The following CDC14B variants were observed in gnomAD, a reference collection of about 807,000 sequenced individuals.
CDC14B encodes dual specificity protein phosphatase CDC14B.
Under a neutral mutation model 64.2 loss-of-function variants are expected in CDC14B, and 22 were observed. That is an observed-to-expected ratio of 0.34 (90% CI 0.24 to 0.49). The LOEUF (loss-of-function observed/expected upper bound fraction) is 0.49, where lower values mean the gene tolerates loss of function less well. CDC14B is among the 20% of genes least tolerant of loss of function. The probability of loss-of-function intolerance (pLI) is 0.99; values close to 1 mark genes in which losing one functional copy is unlikely to be tolerated. For missense variants in CDC14B, 498 were observed against 629.9 expected (o/e 0.79, Z 2.24); for synonymous variants, 191 against 215.8 (o/e 0.89, Z 1.01).
chr9:96,599,212 T>G (rs1846272844), intron 1 of CDC14B, among the ~76,000 whole-genome samples: 1 of 152,062 alleles, frequency 6.6e-6, no homozygotes, highest in African/African-American at 2.4e-5. Flanking sequence ...AAACCCCATC[T>G]CTATTAAAAA....
chr9:96,521,337 C>T (rs1836685055), intron 12 of CDC14B, among the ~76,000 whole-genome samples: 2 of 152,138 alleles, frequency 1.3e-5, no homozygotes, highest in African/African-American at 4.8e-5. Flanking sequence ...CCTTGGCCTC[C>T]CAAAGTGCTG....
At chr9:96,558,253 T>C (rs1842741746) in intron 4 of CDC14B, among the ~76,000 whole-genome samples, 1 of 152,218 alleles carries the variant, frequency 6.6e-6, no homozygotes, top group South Asian at 2.1e-4. Context: ...AGTGTGACTA[T>C]AGTTTACAAT....
chr9:96,535,322 A>G lies in CDC14B; in HGVS notation c.628-780T>C, dbSNP rs1431577144. On this transcript the variant is annotated intron_variant, in intron 7 of 13. Transcript: ENST00000375241. ...AACTCTGTCTCAAAAAACAAAAATT[A>G]AAAAAATAAATAAATAAATGCACTG... Among the ~76,000 whole-genome samples, 5 of 152,124 alleles carry G rather than the reference A, an allele frequency of 3.3e-5. No individual in the cohort carries two copies. The East Asian group carries it at 9.6e-4, about 29-fold the overall frequency.
At chr9:96,566,802 G>A in intron 1 of CDC14B, 3 of 1,606,478 alleles carry the variant, frequency 1.9e-6, no homozygotes, top group South Asian at 1.1e-5. Context: ...CTGCCCCCGC[G>A]CCCTCCCGGC....
At chr9:96,540,602 T>TC (rs1338002549) in intron 6 of CDC14B, among the ~76,000 whole-genome samples, 1 of 151,364 alleles carries the variant, frequency 6.6e-6, no homozygotes, top group Non-Finnish European at 1.5e-5. Flanking sequence ...CAATACCCAA[T>TC]TAAAAAAAAA....
Position 96,554,113 on chromosome 9 carries a change from G to A in CDC14B, c.421-2241C>T, listed in dbSNP as rs539810841. 5.3e-5 allele frequency among the ~76,000 whole-genome samples: 8 copies of A among 152,228 alleles called. No individual in the cohort carries two copies. In the South Asian group the frequency reaches 6.2e-4, roughly 12 times the overall value. On this transcript the variant is annotated intron_variant, in intron 4 of 13. Coordinates refer to ENST00000375241, the MANE Select transcript of CDC14B (RefSeq NM_033331.4). The stretch of plus-strand genomic sequence containing the variant: ...CAGGAGGCGGAGGTTGCAGTGAGCC[G>A]AGATCGCGCCACTGCACTCCAGCAT...
chr9:96,579,832 G>A (rs1845037420), intron 1 of CDC14B, among the ~76,000 whole-genome samples: 2 of 152,254 alleles, frequency 1.3e-5, no homozygotes, highest in African/African-American at 2.4e-5. Flanking sequence ...CCTAGATGAC[G>A]AAGACAGATG....
Position 96,519,731 on chromosome 9 carries a change from A to T in CDC14B, c.1343+2775T>A, listed in dbSNP as rs1278421533. Among the ~76,000 whole-genome samples, 9 of 103,070 alleles carry T rather than the reference A, an allele frequency of 8.7e-5. No homozygotes were observed. The South Asian group carries it at 1.1e-3, about 12-fold the overall frequency. The allele number at this position is 103,070 out of a possible 152,430, so 67.6% of individuals were successfully genotyped here. A position where few individuals can be genotyped will look rare whatever the true frequency, so the allele number is the denominator to read the frequency against. ...GGCCAACAGAGCAAGACTCTGTCTT[A>T]AAAAAAAAAAAAAAAAAAAAAAGAG... is the stretch of plus-strand genomic sequence containing the variant. On this transcript the variant is annotated intron_variant, in intron 12 of 13. Coordinates refer to ENST00000375241, the MANE Select transcript of CDC14B (RefSeq NM_033331.4).
At chr9:96,518,862 T>C (rs141859685) in intron 12 of CDC14B, among the ~76,000 whole-genome samples, 2,018 of 151,942 alleles carry the variant, frequency 0.013, 44 homozygotes, top group African/African-American at 0.045. Context: ...TCCGGCCGGG[T>C]GCAGTGGCTC....
chr9:96,507,421 T>C (rs543176944), intron 13 of CDC14B, among the ~76,000 whole-genome samples: 39 of 145,410 alleles, frequency 2.7e-4, no homozygotes, highest in South Asian at 1.1e-3. Flanking sequence ...TTTTATTTGA[T>C]TTTTTTTTTT....
intron 13 of CDC14B, among the ~76,000 whole-genome samples, chr9:96,493,995 G>A (rs1587695402): frequency 6.6e-6 from 1 of 152,160 alleles, no homozygotes; most frequent in Non-Finnish European, 1.5e-5. Flanking sequence ...CTTTAAGTCC[G>A]AAGGATGCCC....
chr9:96,570,701 A>G (rs896628307), intron 1 of CDC14B, among the ~76,000 whole-genome samples: 10 of 152,192 alleles, frequency 6.6e-5, no homozygotes, highest in Non-Finnish European at 1.2e-4. Flanking sequence ...TACCCACTCA[A>G]ATGACAATGA....
chr9:96,528,192 G>A (rs945728945), intron 9 of CDC14B, among the ~76,000 whole-genome samples: 21 of 152,112 alleles, frequency 1.4e-4, no homozygotes, highest in African/African-American at 1.7e-4. Flanking sequence ...TTCCTCTGAT[G>A]GAAACCTGGA....
chr9:96,540,927 T>C (rs934822395), intron 6 of CDC14B, among the ~76,000 whole-genome samples: 3 of 152,186 alleles, frequency 2.0e-5, no homozygotes, highest in Admixed American at 6.5e-5. Context: ...CCATACCTCA[T>C]TGATTGATAC....
Position 96,515,890 on chromosome 9 carries a change from C to A in CDC14B, c.1344-6101G>T. ...AATCAAGCCATATGTGAATTTTAGACACCCTAAAAGCCCAGCCAACAGCAA... is the reference window on the plus strand; with the variant it reads ...AATCAAGCCATATGTGAATTTTAGAAACCCTAAAAGCCCAGCCAACAGCAA... On this transcript the variant is annotated intron_variant, in intron 12 of 13. Coordinates refer to ENST00000375241, the MANE Select transcript of CDC14B (RefSeq NM_033331.4). The surrounding 1 kb of genome is among the most constrained non-coding windows in gnomAD (Gnocchi z 4.3). The A allele has an allele frequency of 8.3e-7, 1 of 1,203,806 alleles. No individual in the cohort carries two copies. The highest frequency in any genetic ancestry group is 1.1e-6 in the Non-Finnish European group (1 of 876,746). The allele number at this position is 1,203,806 out of a possible 1,614,324, so 74.6% of individuals were successfully genotyped here. A position where few individuals can be genotyped will look rare whatever the true frequency, so the allele number is the denominator to read the frequency against.
intron 9 of CDC14B, among the ~76,000 whole-genome samples, chr9:96,526,203 T>TA (rs1350468796): frequency 1.3e-5 from 2 of 151,896 alleles, no homozygotes; most frequent in African/African-American, 2.4e-5. Flanking sequence ...CTGTCTCTAC[T>TA]AAAAAATACA....
intron 4 of CDC14B, 190 bp downstream of exon 4, chr9:96,562,503 G>A (rs1243932461): frequency 1.7e-6 from 1 of 587,394 alleles, no homozygotes; most frequent in East Asian, 2.8e-5. Context: ...GAAGGTACAG[G>A]AGATCTCTCA....
At chr9:96,563,707 G>C (rs1322718340) in intron 3 of CDC14B, among the ~76,000 whole-genome samples, 2 of 150,338 alleles carry the variant, frequency 1.3e-5, no homozygotes, top group South Asian at 4.2e-4. Context: ...ATACATTTTT[G>C]GTTGACCCAA....
chr9:96,593,772 C>A (rs1235801001), intron 1 of CDC14B, among the ~76,000 whole-genome samples: 1 of 152,034 alleles, frequency 6.6e-6, no homozygotes, highest in Non-Finnish European at 1.5e-5. Flanking sequence ...TTGCTGGCAT[C>A]CAACAGACAT....
Sources: gnomAD v4.1 joint callset for allele counts (sites outside exome capture counted in the v4.1 genomes callset) on GRCh38, gnomAD v4.1.1 for gene constraint, Gnocchi (gnomAD v3.1) non-coding constraint, MANE v1.5 for transcripts, NCBI Gene and HGNC (gene_info 2026-07-23, HGNC 2026-07-21) for gene names.